NUBPL: variants seen among roughly 807,000 people sequenced by gnomAD.
The protein encoded by NUBPL is iron-sulfur cluster transfer protein NUBPL.
In NUBPL, 31 loss-of-function variants were observed where a neutral mutation model predicts 45.7. That is an observed-to-expected ratio of 0.68 (90% confidence interval 0.51 to 0.92). The LOEUF (loss-of-function observed/expected upper bound fraction) is 0.92. Ranked by LOEUF, NUBPL falls within the 40% of genes least tolerant of loss-of-function variation. The pLI is 0.00. For missense variants in NUBPL, 401 were observed against 398.7 expected, an observed-to-expected ratio of 1.01 and a Z score of -0.05; for synonymous variants, 144 against 140.9, an observed-to-expected ratio of 1.02 and a Z score of -0.15.
At chr14:31,605,408 A>G (rs955417852) in intron 4 of NUBPL, among the ~76,000 whole-genome samples, 5 of 152,244 alleles carry the variant, frequency 3.3e-5, no homozygotes, top group Non-Finnish European at 7.3e-5. Context: ...GAAAATTTCA[A>G]GACCTGTGGA....
intron 4 of NUBPL, among the ~76,000 whole-genome samples, chr14:31,646,339 C>G (rs572386962): frequency 2.7e-4 from 41 of 151,934 alleles, no homozygotes; most frequent in Admixed American, 2.6e-3. Flanking sequence ...GGCACCCGCC[C>G]CCACGCCTGG....
At chr14:31,836,989 G>C (rs2040291639) in intron 8 of NUBPL, among the ~76,000 whole-genome samples, 2 of 152,234 alleles carry the variant, frequency 1.3e-5, no homozygotes, top group Admixed American at 1.3e-4. Flanking sequence ...TCAATTAAAA[G>C]CACAGAAACT....
chr14:31,733,382 C>T (rs899522711), intron 6 of NUBPL, among the ~76,000 whole-genome samples: 12 of 152,182 alleles, frequency 7.9e-5, no homozygotes, highest in African/African-American at 2.6e-4. Flanking sequence ...TTAATTTCTG[C>T]TAGGATTTTG....
At chr14:31,584,966 T>C (rs553774506) in intron 3 of NUBPL, among the ~76,000 whole-genome samples, 1 of 152,326 alleles carries the variant, frequency 6.6e-6, no homozygotes, top group South Asian at 2.1e-4. Context: ...ATGGCCTGAT[T>C]ATCTCCCAAA....
At chr14:31,847,475 G>A (rs112810629) in intron 9 of NUBPL, among the ~76,000 whole-genome samples, 79 of 152,326 alleles carry the variant, frequency 5.2e-4, no homozygotes, top group African/African-American at 1.8e-3. Flanking sequence ...CATTAGTGCT[G>A]TGAGGAAAAC....
chr14:31,793,562 C>T (rs1205035587), intron 7 of NUBPL, among the ~76,000 whole-genome samples: 1 of 152,154 alleles, frequency 6.6e-6, no homozygotes, highest in Non-Finnish European at 1.5e-5. Context: ...TTCATCTTTG[C>T]ATTTCTCAGG....
chr14:31,838,774 A>AT (rs1005231624), intron 8 of NUBPL, among the ~76,000 whole-genome samples: 9 of 151,934 alleles, frequency 5.9e-5, no homozygotes, highest in African/African-American at 1.5e-4. Context: ...GATATTTTAC[A>AT]TTTTTTTTAC....
At chr14:31,756,913 G>C (rs2038679239) in intron 6 of NUBPL, among the ~76,000 whole-genome samples, 1 of 146,734 alleles carries the variant, frequency 6.8e-6, no homozygotes, top group Non-Finnish European at 1.5e-5. Flanking sequence ...AGCATGAAGG[G>C]TTGTTGAATT....
At chr14:31,646,872 A>G (rs953129729) in intron 4 of NUBPL, among the ~76,000 whole-genome samples, 4 of 150,634 alleles carry the variant, frequency 2.7e-5, no homozygotes, top group Non-Finnish European at 5.9e-5. Context: ...ATAATTTTCT[A>G]TATCTTGTAG....
chr14:31,774,062 C>T (rs2039056990), intron 6 of NUBPL, among the ~76,000 whole-genome samples: 1 of 152,194 alleles, frequency 6.6e-6, no homozygotes, highest in African/African-American at 2.4e-5. Context: ...TTACACCTTT[C>T]CATGCCCTTA....
intron 6 of NUBPL, among the ~76,000 whole-genome samples, chr14:31,681,957 T>TC (rs1395956971): frequency 6.6e-6 from 1 of 152,188 alleles, no homozygotes; most frequent in African/African-American, 2.4e-5. Flanking sequence ...CAGCATGCGA[T>TC]CCATCTTTGT....
chr14:31,595,505 A>G (rs2034259779), intron 3 of NUBPL, among the ~76,000 whole-genome samples: 1 of 152,220 alleles, frequency 6.6e-6, no homozygotes, highest in East Asian at 1.9e-4. Flanking sequence ...ATTGAAGAAA[A>G]TCCTAAATGG....
chr14:31,848,323 T>C (rs116886705), intron 9 of NUBPL, among the ~76,000 whole-genome samples: 1 of 152,316 alleles, frequency 6.6e-6, no homozygotes, highest in Non-Finnish European at 1.5e-5. Context: ...GAGGTTGGAA[T>C]TGGGAATGAG....
chr14:31,763,190 G>A lies in NUBPL; in HGVS notation c.514-24590G>A, dbSNP rs114883436. ...AAAGAATATAGGCTTTGATGCCAGA[G>A]GTCAGTAGCTTTGGTGGTTGGAGGG... On this transcript the variant is annotated intron_variant, in intron 6 of 10. Coordinates refer to ENST00000281081, the MANE Select transcript of NUBPL (RefSeq NM_025152.3). Among the ~76,000 whole-genome samples, 837 of 152,252 alleles carry A rather than the reference G, an allele frequency of 5.5e-3. 11 individuals carry two copies. Among genetic ancestry groups the A allele is most frequent in the African/African-American group, 0.019 (801 of 41,552 alleles).
chr14:31,740,728 A>C (rs2038264769), intron 6 of NUBPL, among the ~76,000 whole-genome samples: 1 of 152,174 alleles, frequency 6.6e-6, no homozygotes, highest in Non-Finnish European at 1.5e-5. Flanking sequence ...CCCCAAAGTC[A>C]TCTAGATTTT....
chr14:31,671,759 T>C (rs755076195), intron 4 of NUBPL, among the ~76,000 whole-genome samples: 4 of 152,234 alleles, frequency 2.6e-5, no homozygotes, highest in Admixed American at 6.5e-5. Flanking sequence ...AGTATTCCTT[T>C]AATGAAGGAC....
chr14:31,673,192 AC>A (rs1226370857), intron 4 of NUBPL, among the ~76,000 whole-genome samples, 162 bp from the exon 5 acceptor site: 1 of 152,168 alleles, frequency 6.6e-6, no homozygotes, highest in Non-Finnish European at 1.5e-5. Context: ...TTATTATTCT[AC>A]TACAATGTAG....
intron 8 of NUBPL, among the ~76,000 whole-genome samples, chr14:31,834,872 G>A (rs562295501): frequency 2.6e-5 from 4 of 152,282 alleles, no homozygotes; most frequent in South Asian, 2.1e-4. Flanking sequence ...TCCAGAGCCC[G>A]TATTCTTAAC....
intron 4 of NUBPL, among the ~76,000 whole-genome samples, chr14:31,604,249 G>C (rs2034524840): frequency 6.7e-6 from 1 of 149,908 alleles, no homozygotes; most frequent in Non-Finnish European, 1.5e-5. Context: ...TAAACTGAAT[G>C]ATTAAGGCGT....
Sources: allele counts gnomAD v4.1 joint callset (sites outside exome capture counted in the v4.1 genomes callset), GRCh38; gene constraint gnomAD v4.1.1; transcripts MANE v1.5; gene names NCBI Gene and HGNC (gene_info 2026-07-23, HGNC 2026-07-21).